Variants in KLHL1 observed in about 807,000 individuals in gnomAD.
The protein encoded by KLHL1 is kelch-like protein 1.
In KLHL1, 47 loss-of-function variants were observed where a neutral mutation model predicts 77.7. The observed-to-expected ratio is 0.60, with a 90% CI of 0.48 to 0.77. The LOEUF (loss-of-function observed/expected upper bound fraction) is 0.77. Ranked by LOEUF, KLHL1 falls within the 30% of genes least tolerant of loss-of-function variation. KLHL1 has a pLI of 0.00. For synonymous variants in KLHL1, 360 were observed against 325.2 expected (o/e 1.11, Z -1.15); for missense variants, 925 against 910.8 (o/e 1.02, Z -0.20).
chr13:69,881,425 C>A (rs1880983960), intron 5 of KLHL1, among the ~76,000 whole-genome samples: 1 of 152,064 alleles, frequency 6.6e-6, no homozygotes, highest in Non-Finnish European at 1.5e-5. Flanking sequence ...AATGAGGAAT[C>A]TGGTGAATGA....
intron 4 of KLHL1, among the ~76,000 whole-genome samples, chr13:69,921,922 T>TA (rs537234844): frequency 2.8e-5 from 1 of 35,248 alleles, no homozygotes. Flanking sequence ...GAATGATTGA[T>TA]TTTTTTTTTT....
intron 6 of KLHL1, among the ~76,000 whole-genome samples, chr13:69,805,626 C>CA (rs1877583796): frequency 6.7e-6 from 1 of 148,584 alleles, no homozygotes; most frequent in Non-Finnish European, 1.5e-5. Context: ...AAGGTAGCAC[C>CA]ATTAAGAGCA....
intron 2 of KLHL1, among the ~76,000 whole-genome samples, chr13:69,965,452 C>T (rs1410240064): frequency 6.6e-6 from 1 of 152,168 alleles, no homozygotes; most frequent in Non-Finnish European, 1.5e-5. Flanking sequence ...GACTGCTTCA[C>T]TAACTGGCCA....
intron 6 of KLHL1, among the ~76,000 whole-genome samples, chr13:69,837,179 T>A (rs1182975600): frequency 6.6e-6 from 1 of 151,882 alleles, no homozygotes; most frequent in African/African-American, 2.4e-5. Context: ...ACGGCTTTTC[T>A]TTCCCACCCA....
At chr13:69,914,457 A>C (rs1882351672) in intron 4 of KLHL1, among the ~76,000 whole-genome samples, 1 of 152,212 alleles carries the variant, frequency 6.6e-6, no homozygotes, top group African/African-American at 2.4e-5. Context: ...TTGATACACA[A>C]GGAATAATCC....
chr13:69,915,881 TCAAA>T (rs1882413517), intron 4 of KLHL1, among the ~76,000 whole-genome samples: 2 of 151,768 alleles, frequency 1.3e-5, no homozygotes, highest in African/African-American at 4.8e-5. Context: ...TACAATGAAC[TCAAA>T]CAAATTTACA....
chr13:69,877,476 T>C (rs955853947), intron 5 of KLHL1, among the ~76,000 whole-genome samples: 1 of 151,966 alleles, frequency 6.6e-6, no homozygotes, highest in Non-Finnish European at 1.5e-5. Flanking sequence ...TATATATATT[T>C]TTTTTTCAGT....
intron 1 of KLHL1, among the ~76,000 whole-genome samples, chr13:70,033,598 A>T (rs1886166808): frequency 7.6e-6 from 1 of 131,082 alleles, no homozygotes; most frequent in African/African-American, 2.8e-5. Flanking sequence ...GAGTCACCGC[A>T]ACTGGCTTTT....
intron 7 of KLHL1, among the ~76,000 whole-genome samples, chr13:69,790,252 A>AAAC (rs3048161): frequency 0.11 from 16,153 of 152,196 alleles, 960 homozygotes; most frequent in African/African-American, 0.15. Context: ...AAAAAATATT[A>AAAC]AACTCTGGAA....
At chr13:69,795,053 A>G (rs899444243) in intron 7 of KLHL1, among the ~76,000 whole-genome samples, 9 of 152,180 alleles carry the variant, frequency 5.9e-5, no homozygotes, top group African/African-American at 2.2e-4. Context: ...CGAATTTCCT[A>G]TGATTCAACT....
chr13:69,956,579 G>A (rs146426298), intron 3 of KLHL1, among the ~76,000 whole-genome samples: 1,564 of 151,476 alleles, frequency 0.01, 27 homozygotes, highest in African/African-American at 0.035. Context: ...TATCATAACT[G>A]ATACCCTATA....
chr13:69,763,965 C>T (rs1335435449), intron 7 of KLHL1, among the ~76,000 whole-genome samples: 1 of 152,060 alleles, frequency 6.6e-6, no homozygotes, highest in Non-Finnish European at 1.5e-5. Context: ...CCTGTTTCCA[C>T]CTTACAAAAC....
In KLHL1 at chr13:69,885,332, G is replaced by A. The variant is rs1566364061; in HGVS notation, c.1015-2837C>T. ...ACACTAAATCTTTTGGTAACCAGCG[G>A]CGTTGTTTGTACAAACTGCTATAAG... is the stretch of plus-strand genomic sequence containing the variant. On this transcript the variant is annotated intron_variant, in intron 4 of 10. Transcript: ENST00000377844. Among the ~76,000 whole-genome samples, 2 of 152,046 alleles carry A rather than the reference G, an allele frequency of 1.3e-5. 1 individual carries two copies. The highest frequency in any genetic ancestry group is 3.8e-4 in the East Asian group (2 of 5,196).
intron 6 of KLHL1, among the ~76,000 whole-genome samples, chr13:69,813,503 CATATAT>C (rs1555270606): frequency 4.0e-5 from 6 of 148,840 alleles, no homozygotes; most frequent in Non-Finnish European, 8.9e-5. Flanking sequence ...CACACACACA[CATATAT>C]ATATATATAA....
chr13:70,032,243 T>C (rs1339321090), intron 1 of KLHL1, among the ~76,000 whole-genome samples: 1 of 152,168 alleles, frequency 6.6e-6, no homozygotes, highest in African/African-American at 2.4e-5. Flanking sequence ...TGGGAGATAC[T>C]AGTAATTGTT....
intron 1 of KLHL1, among the ~76,000 whole-genome samples, chr13:69,985,004 A>C (rs1291960930): frequency 2.6e-5 from 4 of 152,016 alleles, no homozygotes; most frequent in Non-Finnish European, 5.9e-5. Flanking sequence ...CCAGCTACTC[A>C]GGAGGCTGAA....
chr13:69,955,914 T>C (rs1396439135), intron 3 of KLHL1, among the ~76,000 whole-genome samples: 2 of 117,152 alleles, frequency 1.7e-5, no homozygotes, highest in African/African-American at 6.4e-5. Context: ...ATATATTTGA[T>C]ATATATATTT....
intron 1 of KLHL1, among the ~76,000 whole-genome samples, chr13:70,024,655 TC>T (rs1885896377): frequency 6.7e-6 from 1 of 148,332 alleles, no homozygotes; most frequent in Non-Finnish European, 1.5e-5. Flanking sequence ...TCTCTCTCTC[TC>T]TCTCGCTCTG....
At chr13:69,893,508 A>G (rs1881510251) in intron 4 of KLHL1, among the ~76,000 whole-genome samples, 1 of 152,212 alleles carries the variant, frequency 6.6e-6, no homozygotes, top group African/African-American at 2.4e-5. Context: ...TGCTGGGATT[A>G]CAGGCGTGAG....
Sources: gnomAD v4.1 joint callset for allele counts (sites outside exome capture counted in the v4.1 genomes callset) on GRCh38, gnomAD v4.1.1 for gene constraint, MANE v1.5 for transcripts, NCBI Gene and HGNC (gene_info 2026-07-23, HGNC 2026-07-21) for gene names.